The following BNC2 variants were observed in gnomAD, a reference collection of about 807,000 sequenced individuals.
The protein encoded by BNC2 is basonuclin zinc finger protein 2.
A neutral mutation model predicts 76.3 loss-of-function variants in BNC2; 20 were observed. The observed-to-expected ratio is 0.26, with a 90% CI of 0.18 to 0.38. BNC2 has a LOEUF of 0.38. BNC2 is among the 10% of genes least tolerant of loss of function. BNC2 has a pLI of 1.00. For missense variants in BNC2, 1,382 were observed against 1,399.8 expected (o/e 0.99, Z 0.20); for synonymous variants, 582 against 514.8 (o/e 1.13, Z -1.77).
intron 5 of BNC2, among the ~76,000 whole-genome samples, chr9:16,457,636 C>T (rs1416667233): frequency 1.3e-5 from 2 of 152,128 alleles, no homozygotes; most frequent in African/African-American, 2.4e-5. Flanking sequence ...GGAGTGGTCA[C>T]GTAGGCATGC....
chr9:16,843,240 C>A (rs538668488), intron 1 of BNC2, among the ~76,000 whole-genome samples: 8 of 152,302 alleles, frequency 5.3e-5, no homozygotes, highest in Non-Finnish European at 1.0e-4. Flanking sequence ...AAAGCCAATA[C>A]TCTTTAAAAA....
At chr9:16,623,502 C>T (rs1383829246) in intron 3 of BNC2, among the ~76,000 whole-genome samples, 2 of 152,130 alleles carry the variant, frequency 1.3e-5, no homozygotes, top group Non-Finnish European at 2.9e-5. Context: ...AAGGAGCCTG[C>T]AGAGAAAACC....
intron 5 of BNC2, among the ~76,000 whole-genome samples, chr9:16,489,908 T>C (rs533073545): frequency 6.6e-5 from 10 of 152,326 alleles, no homozygotes; most frequent in Admixed American, 1.3e-4. Context: ...TATCTGCCAC[T>C]GATTAGTTAC....
At chr9:16,764,998 A>G (rs1286965126) in intron 1 of BNC2, among the ~76,000 whole-genome samples, 1 of 152,186 alleles carries the variant, frequency 6.6e-6, no homozygotes, top group Admixed American at 6.5e-5. Context: ...GCTGTGGCAT[A>G]TACTCTGATT....
intron 2 of BNC2, among the ~76,000 whole-genome samples, chr9:16,730,799 A>C (rs953409612): frequency 3.9e-5 from 6 of 152,228 alleles, no homozygotes; most frequent in Non-Finnish European, 5.9e-5. Context: ...TTTTTCATAA[A>C]TATACAGTAC....
intron 1 of BNC2, among the ~76,000 whole-genome samples, chr9:16,761,195 C>G (rs1029698539): frequency 1.3e-5 from 2 of 152,138 alleles, no homozygotes; most frequent in African/African-American, 4.8e-5. Flanking sequence ...TTGCAGTGAG[C>G]CATGATTGTG....
intron 3 of BNC2, among the ~76,000 whole-genome samples, chr9:16,669,615 A>G (rs1297539402): frequency 1.3e-5 from 2 of 152,240 alleles, no homozygotes; most frequent in Non-Finnish European, 2.9e-5. Flanking sequence ...TTTAAAATAC[A>G]ATAACTTATT....
chr9:16,624,689 T>A (rs1196867224), intron 3 of BNC2, among the ~76,000 whole-genome samples: 1 of 152,214 alleles, frequency 6.6e-6, no homozygotes, highest in Non-Finnish European at 1.5e-5. Flanking sequence ...TCAGTGGTAT[T>A]AAAAGCATAT....
rs770904798 is a variant in BNC2 at position 16,443,773 on chromosome 9, T to C, written c.670-6249A>G. Among the ~76,000 whole-genome samples the C allele has an allele frequency of 1.1e-4, 17 of 152,128 alleles. 1 individual carries two copies. Among genetic ancestry groups the C allele is most frequent in the South Asian group, 8.3e-4 (4 of 4,828 alleles). ...CATACATACGCTACTGTTCCAAGCATATGAAATTCTGGAAAAGGTAAGATT... is the reference window on the plus strand; with the variant it reads ...CATACATACGCTACTGTTCCAAGCACATGAAATTCTGGAAAAGGTAAGATT... On this transcript the variant is annotated intron_variant, in intron 5 of 6. Coordinates refer to ENST00000380672, the MANE Select transcript of BNC2 (RefSeq NM_017637.6).
chr9:16,571,358 T>G (rs1384552026), intron 4 of BNC2, among the ~76,000 whole-genome samples: 1 of 152,200 alleles, frequency 6.6e-6, no homozygotes, highest in Non-Finnish European at 1.5e-5. Context: ...GGTTATATGA[T>G]TCATTCACAT....
intron 5 of BNC2, among the ~76,000 whole-genome samples, chr9:16,494,683 A>G (rs1822349274): frequency 6.6e-6 from 1 of 152,156 alleles, no homozygotes; most frequent in Admixed American, 6.6e-5. Context: ...ATGCAGTCAG[A>G]GATGAAGGGA....
chr9:16,507,250 CTTTTTTTTTTTTT>C (rs36072200), intron 5 of BNC2, among the ~76,000 whole-genome samples: 2 of 83,168 alleles, frequency 2.4e-5, no homozygotes, highest in Admixed American at 1.7e-4. Context: ...TGTCCATTTG[CTTTTTTTTTTTTT>C]TTTTTTTTTT....
intron 5 of BNC2, among the ~76,000 whole-genome samples, chr9:16,486,452 C>G (rs947027460): frequency 4.6e-5 from 7 of 152,174 alleles, no homozygotes; most frequent in Non-Finnish European, 8.8e-5. Flanking sequence ...AATCTTCTGA[C>G]ACCCAAATAA....
At position 16,776,868 on chromosome 9, in the gene BNC2, G is replaced by A. The variant is rs140659889; in HGVS notation, c.4-38383C>T. On this transcript the variant is annotated intron_variant, in intron 1 of 6. Coordinates refer to ENST00000380672, the MANE Select transcript of BNC2 (RefSeq NM_017637.6). ...CAGCCAGGCGTGGTGGCTCACATCTGTAATCCCAGCACTTTGGGAGTCCAA... is the reference window on the plus strand; with the variant it reads ...CAGCCAGGCGTGGTGGCTCACATCTATAATCCCAGCACTTTGGGAGTCCAA... Among the ~76,000 whole-genome samples the A allele has an allele frequency of 1.6e-4, 25 of 152,316 alleles. No individual in the cohort carries two copies. In the East Asian group the frequency reaches 4.8e-3, roughly 29 times the overall value.
rs71325979 is a variant in BNC2 at position 16,663,130 on chromosome 9, C to CTTTTTTTTTTTTTTTTTTTTTTTTTT, written c.330+64666_330+64667insAAAAAAAAAAAAAAAAAAAAAAAAAA. Among the ~76,000 whole-genome samples, 10 of 99,612 alleles carry CTTTTTTTTTTTTTTTTTTTTTTTTTT rather than the reference C, an allele frequency of 1.0e-4. 1 individual carries two copies. The highest frequency in any genetic ancestry group is 3.6e-4 in the African/African-American group (10 of 27,944). 65.3% of individuals were successfully genotyped at this position (99,612 alleles called of 152,430 possible). A position where few individuals can be genotyped will look rare whatever the true frequency, so the allele number is the denominator to read the frequency against. On this transcript the variant is annotated intron_variant, in intron 3 of 6. Transcript: ENST00000380672. ...CCATAGGCACTCCACTCTGTTTACT[C>CTTTTTTTTTTTTTTTTTTTTTTTTTT]TTTTTTTTTTTTTTTTGGAGACGGA...
At chr9:16,591,791 C>G (rs995940758) in intron 3 of BNC2, among the ~76,000 whole-genome samples, 1 of 152,120 alleles carries the variant, frequency 6.6e-6, no homozygotes, top group African/African-American at 2.4e-5. Context: ...AAAAGTATGT[C>G]TCTTATTTGG....
At chr9:16,831,291 G>A (rs114911705) in intron 1 of BNC2, among the ~76,000 whole-genome samples, 1 of 152,172 alleles carries the variant, frequency 6.6e-6, no homozygotes, top group African/African-American at 2.4e-5. Flanking sequence ...GTGCACATTT[G>A]CACAATGAAG....
intron 1 of BNC2, chr9:16,775,550 G>C (rs971885766): frequency 1.9e-5 from 3 of 154,638 alleles, no homozygotes; most frequent in African/African-American, 7.2e-5. Flanking sequence ...CTCTTCAAGA[G>C]CAATAGCTTC....
intron 4 of BNC2, among the ~76,000 whole-genome samples, chr9:16,568,543 T>C (rs895916878): frequency 1.3e-5 from 2 of 152,150 alleles, no homozygotes; most frequent in African/African-American, 4.8e-5. Flanking sequence ...ACAGGTTTAA[T>C]GGGATTTTGC....
Sources: allele counts gnomAD v4.1 joint callset (sites outside exome capture counted in the v4.1 genomes callset), GRCh38; gene constraint gnomAD v4.1.1; transcripts MANE v1.5; gene names NCBI Gene and HGNC (gene_info 2026-07-23, HGNC 2026-07-21).